Variants in RGS6 observed in about 807,000 individuals in gnomAD.
RGS6 encodes regulator of G-protein signaling 6.
A neutral mutation model predicts 78.5 loss-of-function variants in RGS6; 30 were observed. The ratio of observed to expected loss-of-function variants is 0.38; its 90% CI spans 0.29 to 0.52. The LOEUF (loss-of-function observed/expected upper bound fraction) is 0.52. RGS6 is among the 20% of genes least tolerant of loss of function. The probability of loss-of-function intolerance (pLI) is 0.85; values close to 1 mark genes in which losing one functional copy is unlikely to be tolerated. For synonymous variants in RGS6, 206 were observed against 206.0 expected (o/e 1.00, Z 0.00); for missense variants, 495 against 609.7 (o/e 0.81, Z 1.98).
chr14:72,572,041 A>C, the RGS6 span, among the ~76,000 whole-genome samples: 1 of 152,256 alleles, frequency 6.6e-6, no homozygotes, highest in East Asian at 1.9e-4. Flanking sequence ...ATAACCAACA[A>C]GCACAGGAAA....
At chr14:72,553,074 G>C (rs2097528640) in intron 17 of RGS6, among the ~76,000 whole-genome samples, 1 of 152,212 alleles carries the variant, frequency 6.6e-6, no homozygotes, top group South Asian at 2.1e-4. Context: ...ATACACAGGT[G>C]CATGTGCCGC....
intron 3 of RGS6, among the ~76,000 whole-genome samples, chr14:72,379,087 G>T (rs2108362): frequency 0.59 from 89,390 of 151,988 alleles, 28,349 homozygotes; most frequent in African/African-American, 0.84. Flanking sequence ...AAAGTTATGT[G>T]ATTGTCTCCA....
At chr14:71,939,722 T>A (rs976966310) in intron 1 of RGS6, among the ~76,000 whole-genome samples, 1 of 152,210 alleles carries the variant, frequency 6.6e-6, no homozygotes, top group Non-Finnish European at 1.5e-5. Context: ...CTTATGATAA[T>A]CCACTATCAT....
intron 2 of RGS6, among the ~76,000 whole-genome samples, chr14:72,150,832 A>G (rs2096674386): frequency 6.6e-6 from 1 of 152,140 alleles, no homozygotes; most frequent in South Asian, 2.1e-4. Context: ...GGGGATTACA[A>G]TTTGACATGA....
At chr14:71,964,020 C>A (rs1017813481) in intron 1 of RGS6, among the ~76,000 whole-genome samples, 2 of 147,906 alleles carry the variant, frequency 1.4e-5, no homozygotes, top group Admixed American at 6.8e-5. Context: ...CTTGCCAAGA[C>A]TTACTTGAGG....
chr14:72,500,537 T>C (rs2096710304), intron 13 of RGS6, among the ~76,000 whole-genome samples: 1 of 152,252 alleles, frequency 6.6e-6, no homozygotes, highest in Non-Finnish European at 1.5e-5. Flanking sequence ...CTATGTGCTG[T>C]GTTCTGAACA....
chr14:71,870,490 C>A, the RGS6 span, among the ~76,000 whole-genome samples: 1 of 152,086 alleles, frequency 6.6e-6, no homozygotes, highest in East Asian at 1.9e-4. Context: ...CTACAGAGGT[C>A]TGGGGAGTCT....
intron 2 of RGS6, among the ~76,000 whole-genome samples, chr14:72,277,638 T>C (rs2060902555): frequency 6.6e-6 from 1 of 151,636 alleles, no homozygotes; most frequent in African/African-American, 2.4e-5. Context: ...ATCTCTACTC[T>C]CCAGGCCAGG....
the RGS6 span, among the ~76,000 whole-genome samples, chr14:71,871,009 A>G: frequency 2.6e-5 from 4 of 152,326 alleles, no homozygotes; most frequent in Non-Finnish European, 4.4e-5. Flanking sequence ...TGTAGAAATG[A>G]AATCCTCTGT....
the RGS6 span, among the ~76,000 whole-genome samples, chr14:71,907,676 CG>C: frequency 6.9e-6 from 1 of 145,842 alleles, no homozygotes; most frequent in South Asian, 2.3e-4. Flanking sequence ...GTATGAGGGC[CG>C]GGGTGGGAAA....
At chr14:72,219,174 G>C (rs904061182) in intron 2 of RGS6, among the ~76,000 whole-genome samples, 4 of 152,076 alleles carry the variant, frequency 2.6e-5, no homozygotes, top group Admixed American at 2.6e-4. Flanking sequence ...CAAGAAAGGA[G>C]AATGTCATCT....
chr14:72,380,929 C>A (rs1159420652), intron 3 of RGS6, among the ~76,000 whole-genome samples: 1 of 152,130 alleles, frequency 6.6e-6, no homozygotes, highest in East Asian at 1.9e-4. Flanking sequence ...GGGTGTCCAA[C>A]AATAGATGGA....
At chr14:72,572,075 T>G in the RGS6 span, among the ~76,000 whole-genome samples, 289 of 152,276 alleles carry the variant, frequency 1.9e-3, 2 homozygotes, top group African/African-American at 6.1e-3. Context: ...CATTAGCCAC[T>G]AGGGAAATGC....
downstream of RGS6, among the ~76,000 whole-genome samples, chr14:72,569,550 G>C (rs1237623928): frequency 1.3e-5 from 2 of 152,064 alleles, no homozygotes; most frequent in Non-Finnish European, 2.9e-5. Context: ...CGTGGTGGCA[G>C]GCACCTGTAA....
rs10638767 is a variant in RGS6 at position 72,184,369 on chromosome 14, A to AACACACACACACACAC, written c.85-167698_85-167683dup. ...ATATAACAGAAGTATTTTACTTTCA[A>AACACACACACACACAC]ACACACACACACACACACACACACA... On this transcript the variant is annotated intron_variant, in intron 2 of 17. Transcript: ENST00000553525. 3.7e-3 allele frequency among the ~76,000 whole-genome samples: 526 copies of AACACACACACACACAC among 141,348 alleles called. 7 individuals carry two copies. The highest frequency in any genetic ancestry group is 0.011 in the Middle Eastern group (3 of 278). The allele number at this position is 141,348 out of a possible 152,430, so 92.7% of individuals were successfully genotyped here.
intron 11 of RGS6, 79 bp downstream of exon 11, chr14:72,476,919 A>G (rs1038853811): frequency 1.6e-6 from 2 of 1,283,700 alleles, no homozygotes; most frequent in African/African-American, 2.9e-5. Flanking sequence ...AACTCTGAAG[A>G]TTGAGCAAGC....
At chr14:72,243,044 G>T (rs1219972646) in intron 2 of RGS6, among the ~76,000 whole-genome samples, 3 of 151,478 alleles carry the variant, frequency 2.0e-5, no homozygotes, top group African/African-American at 7.3e-5. Flanking sequence ...TAGAGTCAGG[G>T]TTTCACCACG....
chr14:71,989,269 G>A (rs535423885), intron 2 of RGS6, among the ~76,000 whole-genome samples: 2 of 152,250 alleles, frequency 1.3e-5, no homozygotes, highest in Admixed American at 6.5e-5. Context: ...TGGGAATCCC[G>A]AGTTGCAGGT....
intron 2 of RGS6, among the ~76,000 whole-genome samples, chr14:72,171,643 C>T (rs2097020959): frequency 6.6e-6 from 1 of 152,236 alleles, no homozygotes; most frequent in Admixed American, 6.5e-5. Context: ...AATTTGTCCT[C>T]TGTCTGGCTT....
Sources: allele counts gnomAD v4.1 joint callset (sites outside exome capture counted in the v4.1 genomes callset), GRCh38; gene constraint gnomAD v4.1.1; transcripts MANE v1.5; gene names NCBI Gene and HGNC (gene_info 2026-07-23, HGNC 2026-07-21).